Variants in HDAC9 observed in about 807,000 individuals in gnomAD.
HDAC9 encodes histone deacetylase 9, also known as MEF-2 interacting transcription repressor (MITR) protein.
Under a neutral mutation model 139.4 loss-of-function variants are expected in HDAC9, and 41 were observed. That is an observed-to-expected ratio of 0.29 (90% CI 0.23 to 0.38). The LOEUF (loss-of-function observed/expected upper bound fraction) is 0.38, where lower values mean the gene tolerates loss of function less well. Ranked by LOEUF, HDAC9 falls within the 10% of genes least tolerant of loss-of-function variation. The pLI is 1.00. For synonymous variants in HDAC9, 517 were observed against 476.2 expected (o/e 1.09, Z -1.12); for missense variants, 1,147 against 1,297.0 (o/e 0.88, Z 1.78).
At chr7:18,872,628 A>T (rs1475108002) in intron 21 of HDAC9, among the ~76,000 whole-genome samples, 1 of 152,110 alleles carries the variant, frequency 6.6e-6, no homozygotes, top group Admixed American at 6.6e-5. Flanking sequence ...GCTTCTCTGT[A>T]GGCACTTATA....
chr7:18,370,869 C>T (rs575932715), intron 1 of HDAC9, among the ~76,000 whole-genome samples: 78 of 152,138 alleles, frequency 5.1e-4, no homozygotes, highest in African/African-American at 1.5e-3. Flanking sequence ...GCAGAGTTTC[C>T]GTAGGGGCGT....
At chr7:18,943,022 G>T (rs1782126064) in intron 23 of HDAC9, among the ~76,000 whole-genome samples, 1 of 151,906 alleles carries the variant, frequency 6.6e-6, no homozygotes, top group African/African-American at 2.4e-5. Context: ...CAAATAAAGA[G>T]AATACTAAGG....
intron 11 of HDAC9, among the ~76,000 whole-genome samples, chr7:18,664,638 C>A (rs1055787775): frequency 6.6e-6 from 1 of 152,154 alleles, no homozygotes; most frequent in East Asian, 1.9e-4. Flanking sequence ...CCCCTGCTTC[C>A]CACCCCTCAC....
At chr7:18,668,309 A>G (rs1795392518) in intron 12 of HDAC9, 1 of 956,294 alleles carries the variant, frequency 1.0e-6, no homozygotes, top group Non-Finnish European at 1.2e-6. Flanking sequence ...ATTCCTTCAT[A>G]TTAAAATGAC....
chr7:18,811,809 T>G (rs1376713435), intron 17 of HDAC9, among the ~76,000 whole-genome samples: 1 of 151,158 alleles, frequency 6.6e-6, no homozygotes, highest in Non-Finnish European at 1.5e-5. Context: ...TGTTTGTGGG[T>G]GTGTGTGTGA....
chr7:18,220,859 A>T (rs1046752131), intron 2 of HDAC9, among the ~76,000 whole-genome samples: 5 of 152,180 alleles, frequency 3.3e-5, no homozygotes, highest in African/African-American at 1.2e-4. Context: ...GATTCCAAAC[A>T]CTGGAACCAT....
chr7:18,099,420 A>T (rs1373865169), intron 1 of HDAC9, among the ~76,000 whole-genome samples: 3 of 152,044 alleles, frequency 2.0e-5, no homozygotes, highest in Non-Finnish European at 4.4e-5. Flanking sequence ...GTGAACTGAG[A>T]TTGCATCACT....
At chr7:18,911,599 T>C (rs996069326) in intron 22 of HDAC9, among the ~76,000 whole-genome samples, 1 of 151,898 alleles carries the variant, frequency 6.6e-6, no homozygotes, top group Non-Finnish European at 1.5e-5. Flanking sequence ...TTTAGATGCA[T>C]TGTTAGGTTG....
intron 12 of HDAC9, among the ~76,000 whole-genome samples, chr7:18,719,014 A>G (rs1180639254): frequency 6.6e-6 from 1 of 152,210 alleles, no homozygotes; most frequent in African/African-American, 2.4e-5. Context: ...CAAATCCCTG[A>G]TAGCTAATGA....
At chr7:18,086,970 G>GCGCCGCGCCCGCCGCTCTCGCCGCTTT (rs1554295261) in exon 1 of HDAC9, 1 of 147,594 alleles carries the variant, frequency 6.8e-6, no homozygotes, top group Non-Finnish European at 1.5e-5. Flanking sequence ...CGAGCCGGCC[G>GCGCCGCGCCCGCCGCTCTCGCCGCTTT]CGCCGCGCCC....
At chr7:18,480,714 C>G (rs1795482551) in intron 1 of HDAC9, among the ~76,000 whole-genome samples, 1 of 152,090 alleles carries the variant, frequency 6.6e-6, no homozygotes, top group South Asian at 2.1e-4. Flanking sequence ...GTGATTGGTA[C>G]ATAGGTGATA....
At chr7:18,346,838 G>T (rs867456767) in intron 1 of HDAC9, among the ~76,000 whole-genome samples, 2 of 152,120 alleles carry the variant, frequency 1.3e-5, no homozygotes, top group Admixed American at 6.6e-5. Flanking sequence ...TTGGTTGGGA[G>T]CCAGAAGCTG....
intron 2 of HDAC9, among the ~76,000 whole-genome samples, chr7:18,232,009 A>T (rs2128184049): frequency 6.6e-6 from 1 of 152,356 alleles, no homozygotes; most frequent in African/African-American, 2.4e-5. Flanking sequence ...ATTAATTTCC[A>T]TCGAAGGTAA....
At chr7:18,805,074 G>A (rs1216085874) in intron 17 of HDAC9, among the ~76,000 whole-genome samples, 3 of 152,204 alleles carry the variant, frequency 2.0e-5, no homozygotes, top group Non-Finnish European at 4.4e-5. Context: ...TGGGATTACA[G>A]GCATGAGCCC....
rs1286479126 is a variant in HDAC9, at chr7:18,640,719, C to T, written c.913-3952C>T. On this transcript the variant is annotated intron_variant, in intron 8 of 25. Transcript: ENST00000686413. ...TTATCTGCATCATTCCATTTTCTTG[C>T]TTTTATCACTAAGCCTGTGTTTTTA... Among the ~76,000 whole-genome samples the T allele has an allele frequency of 2.0e-5, 3 of 151,958 alleles. No individual in the cohort carries two copies. In the East Asian group the frequency reaches 5.8e-4, roughly 29 times the overall value.
rs540391519 is a variant in HDAC9 at position 18,739,463 on chromosome 7, T to G, written c.1910-9542T>G. On this transcript the variant is annotated intron_variant, in intron 13 of 25. Coordinates refer to ENST00000686413, the MANE Select transcript of HDAC9 (RefSeq NM_178425.4). ...GGGGTTTTGGTGTAGATGTCCTTTT[T>G]GTTGATGTTGATGCTATTCCTTTCT... Among the ~76,000 whole-genome samples the G allele has an allele frequency of 2.0e-5, 3 of 152,154 alleles. No homozygotes were observed. In the East Asian group the frequency reaches 5.8e-4, roughly 29 times the overall value.
intron 25 of HDAC9, among the ~76,000 whole-genome samples, chr7:18,985,411 A>T (rs757303715): frequency 1.2e-4 from 18 of 152,300 alleles, no homozygotes; most frequent in South Asian, 8.3e-4. Context: ...ATCATTTTTT[A>T]TGGCTGCATG....
chr7:18,702,675 G>A (rs1783584859), intron 12 of HDAC9, among the ~76,000 whole-genome samples: 1 of 152,178 alleles, frequency 6.6e-6, no homozygotes, highest in East Asian at 1.9e-4. Flanking sequence ...CCTCATGGGA[G>A]GTGGCAGCTC....
chr7:18,086,973 C>G (rs1781829521), exon 1 of HDAC9: 1 of 148,670 alleles, frequency 6.7e-6, no homozygotes, highest in African/African-American at 2.4e-5. Flanking sequence ...GCCGGCCGCG[C>G]CGCGCCCGCC....
Sources: gnomAD v4.1 joint callset for allele counts (sites outside exome capture counted in the v4.1 genomes callset) on GRCh38, gnomAD v4.1.1 for gene constraint, MANE v1.5 for transcripts, NCBI Gene and HGNC (gene_info 2026-07-23, HGNC 2026-07-21) for gene names.